The following CACNA1A variants were observed in gnomAD, a reference collection of about 807,000 sequenced individuals.
The protein encoded by CACNA1A is calcium voltage-gated channel subunit alpha1 A.
A neutral mutation model predicts 262.4 loss-of-function variants in CACNA1A; 57 were observed. The ratio of observed to expected loss-of-function variants is 0.22; its 90% CI spans 0.18 to 0.27. The LOEUF (loss-of-function observed/expected upper bound fraction) is 0.27. Among genes scored for constraint, CACNA1A ranks in the 10% least tolerant of loss-of-function variants. CACNA1A has a pLI of 1.00. For missense variants in CACNA1A, 2,526 were observed against 3,562.8 expected, an observed-to-expected ratio of 0.71 and a Z score of 7.41; for synonymous variants, 1,431 against 1,419.3, an observed-to-expected ratio of 1.01 and a Z score of -0.18.
chr19:13,226,261 G>GC (rs1568437628), intron 37 of CACNA1A: 1 of 118,046 alleles, frequency 8.5e-6, no homozygotes, highest in South Asian at 2.8e-4. Flanking sequence ...ACCGGGGGGG[G>GC]GGGGGGGGGC....
At chr19:13,343,753 G>T (rs527808486) in intron 6 of CACNA1A, among the ~76,000 whole-genome samples, 56 of 151,936 alleles carry the variant, frequency 3.7e-4, no homozygotes, top group African/African-American at 1.3e-3. Context: ...CAGAAATTAA[G>T]ATGGAGACTT....
At position 13,241,510 on chromosome 19, in the gene CACNA1A, G is replaced by A. The variant is rs753274080; in HGVS notation, c.4950+3672C>T. 7.8e-7 allele frequency: 1 copy of A among 1,286,708 alleles called. No individual in the cohort carries two copies. The highest frequency in any genetic ancestry group is 1.2e-5 in the South Asian group (1 of 81,550). 79.7% of individuals were successfully genotyped at this position (1,286,708 alleles called of 1,614,324 possible). A position where few individuals can be genotyped will look rare whatever the true frequency, so the allele number is the denominator to read the frequency against. ...TAAGGCATTTAGACTTCAGAAAGAAGTAAGACCAACCGGATTCTAGATGCA... is the reference window on the plus strand; with the variant it reads ...TAAGGCATTTAGACTTCAGAAAGAAATAAGACCAACCGGATTCTAGATGCA... On this transcript the variant is annotated intron_variant, in intron 31 of 46. Transcript: ENST00000360228. The surrounding 1 kb of genome is among the most constrained non-coding windows in gnomAD (Gnocchi z 4.0).
chr19:13,418,746 T>C (rs2060267635), intron 3 of CACNA1A, among the ~76,000 whole-genome samples: 1 of 152,114 alleles, frequency 6.6e-6, no homozygotes. Flanking sequence ...ACATTTCCCT[T>C]GTTTGAAGCC....
intron 10 of CACNA1A, among the ~76,000 whole-genome samples, chr19:13,323,737 A>C (rs2058301516): frequency 6.6e-6 from 1 of 152,126 alleles, no homozygotes; most frequent in South Asian, 2.1e-4. Flanking sequence ...TCCTCTGCTG[A>C]ACGCTTCCTT....
intron 3 of CACNA1A, among the ~76,000 whole-genome samples, chr19:13,440,844 T>C (rs569571609): frequency 1.3e-5 from 2 of 152,182 alleles, no homozygotes; most frequent in Non-Finnish European, 2.9e-5. Context: ...AGACAAGGTC[T>C]CGCTCTGTTG....
At chr19:13,502,338 T>C (rs1982486130) in intron 1 of CACNA1A, among the ~76,000 whole-genome samples, 2 of 152,166 alleles carry the variant, frequency 1.3e-5, no homozygotes, top group Non-Finnish European at 2.9e-5. Flanking sequence ...TACACTGACC[T>C]GCTTCCAGTG....
At chr19:13,263,666 G>A (rs925932726) in intron 24 of CACNA1A, among the ~76,000 whole-genome samples, 6 of 152,024 alleles carry the variant, frequency 3.9e-5, no homozygotes, top group African/African-American at 1.4e-4. Flanking sequence ...GACTACAGGT[G>A]CGTGCCACCA....
chr19:13,468,418 C>T (rs1336038281), intron 1 of CACNA1A, among the ~76,000 whole-genome samples: 3 of 152,248 alleles, frequency 2.0e-5, no homozygotes, highest in East Asian at 1.9e-4. Context: ...ATAGTGACAT[C>T]CCTGTTCAGT....
chr19:13,378,286 G>A (rs904532412), intron 3 of CACNA1A, among the ~76,000 whole-genome samples: 1 of 152,202 alleles, frequency 6.6e-6, no homozygotes, highest in African/African-American at 2.4e-5. Context: ...TACTCCTGGT[G>A]AAAATTCTGT....
chr19:13,389,931 G>A (rs1429121273), intron 3 of CACNA1A, among the ~76,000 whole-genome samples: 2 of 152,066 alleles, frequency 1.3e-5, no homozygotes, highest in African/African-American at 4.8e-5. Flanking sequence ...TCCTGCCTCA[G>A]CCTCTCGAGT....
intron 1 of CACNA1A, among the ~76,000 whole-genome samples, chr19:13,466,640 C>T (rs895940722): frequency 6.0e-5 from 9 of 150,882 alleles, no homozygotes; most frequent in Admixed American, 2.0e-4. Flanking sequence ...CATGCCCATC[C>T]GAGACTCTGT....
chr19:13,251,615 T>A (rs956198131), intron 30 of CACNA1A, among the ~76,000 whole-genome samples: 11 of 152,168 alleles, frequency 7.2e-5, no homozygotes, highest in Non-Finnish European at 1.6e-4. Context: ...TATAATGCAG[T>A]ATGAAAATAT....
chr19:13,452,818 A>G (rs2060939953), intron 3 of CACNA1A, 58 bp downstream of exon 3: 1 of 1,556,166 alleles, frequency 6.4e-7, no homozygotes, highest in African/African-American at 1.4e-5. Flanking sequence ...CACACCAACC[A>G]AAAGCCTCGT....
intron 22 of CACNA1A, among the ~76,000 whole-genome samples, chr19:13,280,792 T>G (rs1314873446): frequency 1.3e-5 from 2 of 151,756 alleles, no homozygotes; most frequent in East Asian, 3.9e-4. Context: ...AATACAAAAA[T>G]TAGCCGGGTG....
chr19:13,334,561 T>TTGTGTG lies in CACNA1A; in HGVS notation c.1083-74_1083-69dup, dbSNP rs1196739807. On this transcript the variant is annotated intron_variant, in intron 7 of 46. Coordinates refer to ENST00000360228, the MANE Select transcript of CACNA1A (RefSeq NM_001127222.2). Reference sequence around the variant, plus strand: ...TGTTAGGAAACGTTTGTGTGTGTGTTTGTGTGTGTGTGTGTGTGTGTGTGT... The same window carrying TTGTGTG: ...TGTTAGGAAACGTTTGTGTGTGTGTTTGTGTGTGTGTGTGTGTGTGTGTGTGTGTGT... 3,060 of 311,590 alleles carry TTGTGTG rather than the reference T, an allele frequency of 9.8e-3. 19 individuals are homozygous for TTGTGTG. The highest frequency in any genetic ancestry group is 0.033 in the African/African-American group (1,042 of 31,182). 19.3% of individuals were successfully genotyped at this position (311,590 alleles called of 1,614,324 possible).
chr19:13,278,738 T>G (rs528577036), intron 22 of CACNA1A, among the ~76,000 whole-genome samples: 2 of 152,230 alleles, frequency 1.3e-5, no homozygotes, highest in East Asian at 3.8e-4. Context: ...GTTTGTTGAA[T>G]GAATGCATCA....
intron 31 of CACNA1A, among the ~76,000 whole-genome samples, chr19:13,237,608 G>A (rs1396322082): frequency 1.3e-5 from 2 of 152,144 alleles, no homozygotes; most frequent in African/African-American, 4.8e-5. Flanking sequence ...ATGCTCTCTG[G>A]GACACATCAG....
At chr19:13,487,328 C>T (rs1163962695) in intron 1 of CACNA1A, among the ~76,000 whole-genome samples, 1 of 152,148 alleles carries the variant, frequency 6.6e-6, no homozygotes, top group African/African-American at 2.4e-5. Flanking sequence ...GGGCAGCCCC[C>T]AGTGGGGAGA....
At chr19:13,290,383 T>G (rs72993592) in intron 19 of CACNA1A, among the ~76,000 whole-genome samples, 21,367 of 150,234 alleles carry the variant, frequency 0.14, 1,541 homozygotes, top group East Asian at 0.23. Flanking sequence ...ATCTGTAATG[T>G]GTGTGTGTGT....
Sources: allele counts gnomAD v4.1 joint callset (sites outside exome capture counted in the v4.1 genomes callset), GRCh38; gene constraint gnomAD v4.1.1; non-coding constraint Gnocchi (gnomAD v3.1); transcripts MANE v1.5; gene names NCBI Gene and HGNC (gene_info 2026-07-23, HGNC 2026-07-21).